ITSN1: variants seen among roughly 807,000 people sequenced by gnomAD.
The protein encoded by ITSN1 is intersectin-1.
ITSN1 carries 58 observed loss-of-function variants against 239.8 expected under a neutral mutation model. The observed-to-expected ratio is 0.24, with a 90% confidence interval of 0.20 to 0.30. ITSN1 has a LOEUF of 0.30. Among genes scored for constraint, ITSN1 ranks in the 10% least tolerant of loss-of-function variants. The pLI, the probability that ITSN1 is intolerant of heterozygous loss-of-function variation, is 1.00. For missense variants in ITSN1, 1,558 were observed against 2,103.3 expected, an observed-to-expected ratio of 0.74 and a Z score of 5.07; for synonymous variants, 780 against 770.8, an observed-to-expected ratio of 1.01 and a Z score of -0.20.
intron 24 of ITSN1, among the ~76,000 whole-genome samples, chr21:33,820,533 T>C (rs555215821): frequency 6.6e-6 from 1 of 152,342 alleles, no homozygotes; most frequent in South Asian, 2.1e-4. Flanking sequence ...AACAGAATTA[T>C]TAAAACAGCT....
intron 1 of ITSN1, among the ~76,000 whole-genome samples, chr21:33,693,113 A>G (rs1055965359): frequency 6.6e-6 from 1 of 152,082 alleles, no homozygotes; most frequent in African/African-American, 2.4e-5. Context: ...ATCTATTTCT[A>G]TGAAAAGCTC....
intron 29 of ITSN1, among the ~76,000 whole-genome samples, chr21:33,841,433 G>A (rs1166768180): frequency 2.0e-5 from 3 of 152,180 alleles, no homozygotes; most frequent in African/African-American, 7.2e-5. Flanking sequence ...ATCAACCGGT[G>A]ACTATAGAAA....
chr21:33,669,167 C>T (rs940094384), intron 1 of ITSN1, among the ~76,000 whole-genome samples: 1 of 152,206 alleles, frequency 6.6e-6, no homozygotes, highest in African/African-American at 2.4e-5. Context: ...ACTGCAGGCT[C>T]CGCCTCCTGG....
At chr21:33,832,105 G>A (rs868518991) in intron 27 of ITSN1, among the ~76,000 whole-genome samples, 1 of 152,110 alleles carries the variant, frequency 6.6e-6, no homozygotes, top group Non-Finnish European at 1.5e-5. Flanking sequence ...ACGTCTTACC[G>A]CTGAGCAATG....
chr21:33,742,138 C>T (rs972162966), intron 5 of ITSN1, among the ~76,000 whole-genome samples: 1 of 150,700 alleles, frequency 6.6e-6, no homozygotes, highest in Non-Finnish European at 1.5e-5. Flanking sequence ...CTCACTGCAA[C>T]CTCCGCTTCC....
chr21:33,849,901 C>G (rs533421049), intron 29 of ITSN1, among the ~76,000 whole-genome samples: 5 of 152,176 alleles, frequency 3.3e-5, no homozygotes, highest in Admixed American at 3.3e-4. Flanking sequence ...GCCTTTGTAC[C>G]CAAAAAACTT....
intron 1 of ITSN1, among the ~76,000 whole-genome samples, chr21:33,713,485 G>C (rs559333108): frequency 2.0e-4 from 30 of 151,100 alleles, no homozygotes; most frequent in African/African-American, 7.1e-4. Flanking sequence ...CTCATGATCT[G>C]CTTGCCTCGG....
At chr21:33,846,781 CA>C (rs1475599734) in intron 29 of ITSN1, among the ~76,000 whole-genome samples, 1 of 152,184 alleles carries the variant, frequency 6.6e-6, no homozygotes, top group Non-Finnish European at 1.5e-5. Flanking sequence ...GAACCCAGCA[CA>C]AAACCTGTGC....
chr21:33,666,997 A>C (rs1192115836), intron 1 of ITSN1, among the ~76,000 whole-genome samples: 3 of 151,944 alleles, frequency 2.0e-5, no homozygotes, highest in African/African-American at 7.2e-5. Context: ...TTTATTTTTC[A>C]TAGAGATGGG....
At chr21:33,817,277 C>T in intron 22 of ITSN1, 1 of 1,304,424 alleles carries the variant, frequency 7.7e-7, no homozygotes, top group Non-Finnish European at 1.0e-6. Flanking sequence ...CACATGCAGC[C>T]CCGGATTGTG....
At chr21:33,728,666 AC>A (rs2147181736) in intron 4 of ITSN1, among the ~76,000 whole-genome samples, 1 of 151,516 alleles carries the variant, frequency 6.6e-6, no homozygotes, top group South Asian at 2.1e-4. Context: ...TTCATATGTC[AC>A]CTCCCCAAAG....
rs546431724 is a variant in ITSN1 at position 33,679,812 on chromosome 21, C to T, written c.-33+37099C>T. 1.3e-3 allele frequency among the ~76,000 whole-genome samples: 197 copies of T among 151,250 alleles called. 1 individual carries two copies. The highest frequency in any genetic ancestry group is 4.5e-3 in the African/African-American group (184 of 41,098). On this transcript the variant is annotated intron_variant, in intron 1 of 39. Transcript: ENST00000381318. The stretch of plus-strand genomic sequence containing the variant: ...TCCCAGGTTCATGCCATTCTCCTGC[C>T]TCAGCCTCCCAAGTAGCTGGGACTA...
At chr21:33,818,552 C>T in intron 23 of ITSN1, 80 bp downstream of exon 23, 1 of 1,232,864 alleles carries the variant, frequency 8.1e-7, no homozygotes. Context: ...TTAAGATTCA[C>T]AGACAGGAGT....
At chr21:33,804,115 G>T (rs1002158519) in intron 20 of ITSN1, among the ~76,000 whole-genome samples, 31 of 152,042 alleles carry the variant, frequency 2.0e-4, no homozygotes, top group Non-Finnish European at 3.4e-4. Context: ...AAAATCCGGG[G>T]TTCACTTATA....
Position 33,725,095 on chromosome 21 carries a change from C to G in ITSN1, c.185+2444C>G, listed in dbSNP as rs560114129. 1.2e-3 allele frequency among the ~76,000 whole-genome samples: 183 copies of G among 148,350 alleles called. 1 individual carries two copies. Among genetic ancestry groups the G allele is most frequent in the Admixed American group, 8.0e-3 (119 of 14,942 alleles). On this transcript the variant is annotated intron_variant, in intron 4 of 39. Coordinates refer to ENST00000381318, the MANE Select transcript of ITSN1 (RefSeq NM_003024.3). ...GACCAACCTGGGCAATATAATGAGCCCTCATCTTTAAAAAAAAAAAAAAAA... is the reference window on the plus strand; with the variant it reads ...GACCAACCTGGGCAATATAATGAGCGCTCATCTTTAAAAAAAAAAAAAAAA...
At chr21:33,828,323 G>A (rs547814708) in intron 26 of ITSN1, among the ~76,000 whole-genome samples, 1 of 152,284 alleles carries the variant, frequency 6.6e-6, no homozygotes, top group South Asian at 2.1e-4. Flanking sequence ...CCTCATCCCA[G>A]CGTAGACATC....
intron 1 of ITSN1, among the ~76,000 whole-genome samples, chr21:33,682,889 T>C (rs2091045644): frequency 6.6e-6 from 1 of 152,202 alleles, no homozygotes; most frequent in Admixed American, 6.5e-5. Context: ...GTACTTTTAG[T>C]AGTATCTATT....
At chr21:33,802,176 A>G (rs1312497857) in intron 19 of ITSN1, among the ~76,000 whole-genome samples, 1 of 152,168 alleles carries the variant, frequency 6.6e-6, no homozygotes, top group African/African-American at 2.4e-5. Flanking sequence ...ATCCTAAAGT[A>G]AGGGAATGTT....
At chr21:33,730,920 T>C (rs2066142779) in intron 4 of ITSN1, among the ~76,000 whole-genome samples, 2 of 151,156 alleles carry the variant, frequency 1.3e-5, no homozygotes, top group Non-Finnish European at 2.9e-5. Flanking sequence ...GGTCTCGAAC[T>C]CCTGACCTCA....
Sources: gnomAD v4.1 joint callset for allele counts (sites outside exome capture counted in the v4.1 genomes callset) on GRCh38, gnomAD v4.1.1 for gene constraint, MANE v1.5 for transcripts, NCBI Gene and HGNC (gene_info 2026-07-23, HGNC 2026-07-21) for gene names.